The following STIM2 variants were observed in gnomAD, a reference collection of about 807,000 sequenced individuals.
The protein encoded by STIM2 is stromal interaction molecule 2.
A neutral mutation model predicts 85.8 loss-of-function variants in STIM2; 31 were observed. The observed-to-expected ratio is 0.36, with a 90% CI of 0.27 to 0.49. STIM2 has a LOEUF of 0.49. Ranked by LOEUF, STIM2 falls within the 20% of genes least tolerant of loss-of-function variation. STIM2 has a pLI of 0.98. For missense variants in STIM2, 841 were observed against 927.6 expected, an observed-to-expected ratio of 0.91 and a Z score of 1.21; for synonymous variants, 356 against 331.1, an observed-to-expected ratio of 1.08 and a Z score of -0.82.
At chr4:26,902,285 A>C (rs572320156) in intron 1 of STIM2, among the ~76,000 whole-genome samples, 4 of 152,274 alleles carry the variant, frequency 2.6e-5, no homozygotes, top group Non-Finnish European at 4.4e-5. Flanking sequence ...AATAATTAGA[A>C]AATATGCAGA....
intron 5 of STIM2, among the ~76,000 whole-genome samples, chr4:27,001,066 A>C (rs1475683355): frequency 6.6e-6 from 1 of 152,196 alleles, no homozygotes; most frequent in Non-Finnish European, 1.5e-5. Context: ...AGAGTCTCTG[A>C]CATAGAGCAT....
At chr4:26,891,091 A>G (rs1046034791) in intron 1 of STIM2, among the ~76,000 whole-genome samples, 1 of 152,186 alleles carries the variant, frequency 6.6e-6, no homozygotes, top group Non-Finnish European at 1.5e-5. Flanking sequence ...ATAGCTTTAT[A>G]GTTCAGTTTG....
intron 1 of STIM2, among the ~76,000 whole-genome samples, chr4:26,886,605 T>A (rs1723260483): frequency 6.6e-6 from 1 of 152,126 alleles, no homozygotes; most frequent in South Asian, 2.1e-4. Context: ...CATTGTTGGA[T>A]TTTTGGAGAA....
At chr4:26,896,166 C>G (rs952191615) in intron 1 of STIM2, among the ~76,000 whole-genome samples, 1 of 152,220 alleles carries the variant, frequency 6.6e-6, no homozygotes, top group African/African-American at 2.4e-5. Context: ...TTGCCTGATA[C>G]ATGACTCCAC....
intron 1 of STIM2, among the ~76,000 whole-genome samples, chr4:26,879,880 A>C (rs578180488): frequency 6.6e-6 from 1 of 152,036 alleles, no homozygotes; most frequent in Admixed American, 6.5e-5. Context: ...TCTAGCCACC[A>C]CATTATGTCT....
intron 2 of STIM2, among the ~76,000 whole-genome samples, chr4:26,949,995 T>C (rs1725985568): frequency 6.6e-6 from 1 of 152,246 alleles, no homozygotes; most frequent in South Asian, 2.1e-4. Context: ...TATAGCTTTC[T>C]TTTAAGTGCT....
chr4:26,938,112 T>C (rs1225819577), intron 2 of STIM2, among the ~76,000 whole-genome samples: 1 of 151,930 alleles, frequency 6.6e-6, no homozygotes. Context: ...ATTAAAATAA[T>C]GTTGACTCTT....
intron 1 of STIM2, among the ~76,000 whole-genome samples, chr4:26,866,336 A>G (rs1351592531): frequency 6.6e-6 from 1 of 152,214 alleles, no homozygotes; most frequent in African/African-American, 2.4e-5. Flanking sequence ...CTCTGGTTCC[A>G]AAGCTTGGAT....
At chr4:27,020,133 A>G (rs995478336) in intron 11 of STIM2, among the ~76,000 whole-genome samples, 12 of 152,360 alleles carry the variant, frequency 7.9e-5, no homozygotes, top group African/African-American at 2.6e-4. Flanking sequence ...TCCTGACTTA[A>G]ATCAGTATTC....
intron 3 of STIM2, among the ~76,000 whole-genome samples, chr4:26,968,979 T>G (rs1435229377): frequency 6.6e-6 from 1 of 150,680 alleles, no homozygotes; most frequent in Non-Finnish European, 1.5e-5. Flanking sequence ...TTATATATTT[T>G]GTTTTATGTC....
At chr4:26,862,813 A>T (rs79355839) in intron 1 of STIM2, among the ~76,000 whole-genome samples, 1,949 of 152,356 alleles carry the variant, frequency 0.013, 34 homozygotes, top group African/African-American at 0.044. Context: ...CCAAATAAAA[A>T]TGTGGCAAGT....
At chr4:26,918,349 A>G (rs1480841683) in intron 1 of STIM2, among the ~76,000 whole-genome samples, 1 of 151,832 alleles carries the variant, frequency 6.6e-6, no homozygotes, top group Admixed American at 6.6e-5. Flanking sequence ...TATAGCTGCA[A>G]TAGATCTTAG....
intron 2 of STIM2, among the ~76,000 whole-genome samples, chr4:26,955,141 G>GC (rs1237805264): frequency 1.4e-5 from 2 of 146,018 alleles, no homozygotes; most frequent in Non-Finnish European, 3.0e-5. Flanking sequence ...ATCTTCAAAA[G>GC]TTTTAAAAAA....
Position 27,022,920 on chromosome 4 carries a change from A to G in STIM2, c.2165A>G (p.His722Arg), listed in dbSNP as rs549938218. 1.4e-5 allele frequency: 23 copies of G among 1,614,230 alleles called. No homozygotes were observed. The highest frequency in any genetic ancestry group is 1.6e-4 in the Middle Eastern group (1 of 6,062). The stretch of plus-strand genomic sequence containing the variant: ...GTTGCCAGAATAAGCAGCATCCCAC[A>G]TGACCTTTGTCATAATGGAGAGAAA... The change falls in exon 12 of 12, where the codon CAT (histidine) becomes CGT (arginine). Residue 722 changes from histidine (H) to arginine (R), a missense_variant. By Grantham distance (29) the His-to-Arg change is conservative. Coordinates refer to ENST00000467087, the MANE Select transcript of STIM2 (RefSeq NM_020860.4).
intron 2 of STIM2, among the ~76,000 whole-genome samples, chr4:26,956,552 T>C (rs1341707086): frequency 2.6e-5 from 4 of 151,910 alleles, no homozygotes; most frequent in Non-Finnish European, 5.9e-5. Flanking sequence ...CAAGCAATTC[T>C]CCTGCCTCAG....
chr4:26,923,130 C>T (rs1387918818), intron 2 of STIM2, among the ~76,000 whole-genome samples: 2 of 151,086 alleles, frequency 1.3e-5, no homozygotes, highest in African/African-American at 2.4e-5. Context: ...ACACGTCACA[C>T]GGCAGGGTAT....
At chr4:26,991,571 T>A (rs2109122207) in intron 3 of STIM2, among the ~76,000 whole-genome samples, 1 of 152,266 alleles carries the variant, frequency 6.6e-6, no homozygotes, top group African/African-American at 2.4e-5. Flanking sequence ...TGGAAGATAA[T>A]TATAATGGTT....
intron 3 of STIM2, among the ~76,000 whole-genome samples, chr4:26,992,194 A>T (rs1179446261): frequency 6.6e-6 from 1 of 152,186 alleles, no homozygotes; most frequent in African/African-American, 2.4e-5. Flanking sequence ...TTGTCTCACC[A>T]TTAAAATGTA....
At chr4:26,995,593 A>G (rs1727931023) in intron 4 of STIM2, 103 bp downstream of exon 4, 1 of 528,142 alleles carries the variant, frequency 1.9e-6, no homozygotes, top group Non-Finnish European at 3.2e-6. Context: ...GGCTGAGGGC[A>G]CAAAGGAAAT....
Sources: allele counts gnomAD v4.1 joint callset (sites outside exome capture counted in the v4.1 genomes callset), GRCh38; gene constraint gnomAD v4.1.1; transcripts MANE v1.5; gene names NCBI Gene and HGNC (gene_info 2026-07-23, HGNC 2026-07-21).